Variants in AFF3 observed in about 807,000 individuals in gnomAD.
The protein encoded by AFF3 is AF4/FMR2 family member 3.
A neutral mutation model predicts 129.7 loss-of-function variants in AFF3; 32 were observed. The observed-to-expected ratio is 0.25, with a 90% CI of 0.19 to 0.33. The LOEUF is 0.33. Ranked by LOEUF, AFF3 falls within the 10% of genes least tolerant of loss-of-function variation. AFF3 has a pLI of 1.00. For missense variants in AFF3, 1,373 were observed against 1,592.0 expected, an observed-to-expected ratio of 0.86 and a Z score of 2.34; for synonymous variants, 644 against 635.4, an observed-to-expected ratio of 1.01 and a Z score of -0.20.
chr2:99,672,538 C>T lies in AFF3; in HGVS notation c.1143G>A (p.Gln381=), dbSNP rs531014854. ...ATGATGACATAAAAGAGAATCTTACCTGTTCATTCTCCTCTTCATCACTGC... is the reference window on the plus strand; with the variant it reads ...ATGATGACATAAAAGAGAATCTTACTTGTTCATTCTCCTCTTCATCACTGC... ...KLSSDEEENE[Q]QAAQRTALRA... is the part of the protein sequence containing the mutation. The change falls in exon 12 of 25, where the codon CAG becomes CAA. Residue 381 remains glutamine, a splice_region_variant and synonymous_variant. Transcript: ENST00000672756. The T allele has an allele frequency of 1.9e-6, 3 of 1,613,722 alleles. No individual in the cohort carries two copies. In the South Asian group the frequency reaches 3.3e-5, roughly 18 times the overall value.
intron 7 of AFF3, among the ~76,000 whole-genome samples, chr2:99,899,744 T>C (rs756904667): frequency 2.0e-4 from 30 of 152,310 alleles, no homozygotes; most frequent in Non-Finnish European, 3.5e-4. Context: ...GGTCAAAGTC[T>C]GAGCCACATG....
At chr2:99,576,895 C>CGAGG (rs1677051749) in intron 18 of AFF3, among the ~76,000 whole-genome samples, 3 of 152,188 alleles carry the variant, frequency 2.0e-5, no homozygotes, top group African/African-American at 7.2e-5. Context: ...TGACTGTACT[C>CGAGG]CCACTCCATG....
At position 100,046,558 on chromosome 2, in the gene AFF3, G is replaced by C. The variant is rs184033926; in HGVS notation, c.54-37626C>G. Among the ~76,000 whole-genome samples the C allele has an allele frequency of 9.2e-5, 14 of 152,242 alleles. No individual in the cohort carries two copies. In the East Asian group the frequency reaches 2.5e-3, roughly 27 times the overall value. On this transcript the variant is annotated intron_variant, in intron 4 of 24. Coordinates refer to ENST00000672756, the MANE Select transcript of AFF3 (RefSeq NM_001386135.1). ...CCTCACTTCATCTCCTGGTGCTTCT[G>C]GTTTCCCATTTATAAAATGCAAGGG...
chr2:99,924,836 T>C (rs980965673), intron 7 of AFF3, among the ~76,000 whole-genome samples: 1 of 152,242 alleles, frequency 6.6e-6, no homozygotes, highest in East Asian at 1.9e-4. Context: ...CTTAATCAAC[T>C]TAATTTTCCT....
intron 8 of AFF3, among the ~76,000 whole-genome samples, chr2:99,829,928 C>T (rs1406809447): frequency 6.6e-6 from 1 of 152,190 alleles, no homozygotes; most frequent in Admixed American, 6.5e-5. Flanking sequence ...GGCATATATA[C>T]ACCATGGAAT....
intron 13 of AFF3, among the ~76,000 whole-genome samples, chr2:99,633,272 G>T (rs1683298149): frequency 6.6e-6 from 1 of 152,142 alleles, no homozygotes; most frequent in African/African-American, 2.4e-5. Flanking sequence ...GCTGGGGTTT[G>T]CTGTCCATGG....
At chr2:100,076,147 G>C (rs1407715136) in intron 4 of AFF3, among the ~76,000 whole-genome samples, 1 of 152,158 alleles carries the variant, frequency 6.6e-6, no homozygotes, top group Non-Finnish European at 1.5e-5. Flanking sequence ...CAGAGCAGCT[G>C]GTGTTCATGG....
chr2:100,072,396 G>A (rs1330056566), intron 4 of AFF3, among the ~76,000 whole-genome samples: 1 of 152,190 alleles, frequency 6.6e-6, no homozygotes, highest in Non-Finnish European at 1.5e-5. Context: ...CCTCGTCCAT[G>A]GAACAACTGT....
chr2:100,080,257 G>A (rs1017209946), intron 4 of AFF3, among the ~76,000 whole-genome samples: 6 of 152,130 alleles, frequency 3.9e-5, no homozygotes, highest in Non-Finnish European at 7.4e-5. Flanking sequence ...GCTGCATTAG[G>A]TTATTATGAG....
At chr2:99,620,701 A>G (rs1681913341) in intron 13 of AFF3, among the ~76,000 whole-genome samples, 1 of 152,134 alleles carries the variant, frequency 6.6e-6, no homozygotes, top group Non-Finnish European at 1.5e-5. Context: ...ACATAATCTG[A>G]GCTGCATTGT....
At chr2:99,974,975 T>C (rs1678734883) in intron 7 of AFF3, among the ~76,000 whole-genome samples, 1 of 152,164 alleles carries the variant, frequency 6.6e-6, no homozygotes. Flanking sequence ...GCAGTGGTAG[T>C]TAATAATGGA....
At chr2:100,023,091 C>G (rs13419484) in intron 4 of AFF3, among the ~76,000 whole-genome samples, 3,154 of 152,298 alleles carry the variant, frequency 0.021, 119 homozygotes, top group African/African-American at 0.072. Context: ...AGAGAACACA[C>G]CTCTCAGCTT....
intron 4 of AFF3, among the ~76,000 whole-genome samples, chr2:100,102,365 CA>C (rs1690796870): frequency 6.6e-6 from 1 of 151,706 alleles, no homozygotes; most frequent in Admixed American, 6.6e-5. Context: ...CCGGTCAAGC[CA>C]AACTGTCCTA....
intron 11 of AFF3, among the ~76,000 whole-genome samples, chr2:99,699,380 G>A (rs938798230): frequency 5.3e-5 from 8 of 152,148 alleles, no homozygotes; most frequent in African/African-American, 1.9e-4. Flanking sequence ...GAGGGACCAT[G>A]CGGTTCACCT....
At chr2:99,656,497 T>G (rs1349084870) in intron 12 of AFF3, among the ~76,000 whole-genome samples, 1 of 152,246 alleles carries the variant, frequency 6.6e-6, no homozygotes, top group East Asian at 1.9e-4. Context: ...TGAAGCACAC[T>G]GTAAAATTTA....
intron 9 of AFF3, among the ~76,000 whole-genome samples, chr2:99,750,362 C>T (rs939284644): frequency 4.7e-5 from 7 of 150,400 alleles, no homozygotes; most frequent in African/African-American, 1.7e-4. Context: ...ATAAAAAACC[C>T]AGATGATAAT....
chr2:99,943,770 T>C (rs1458046977), intron 7 of AFF3, among the ~76,000 whole-genome samples: 1 of 152,242 alleles, frequency 6.6e-6, no homozygotes, highest in Non-Finnish European at 1.5e-5. Flanking sequence ...CTCAATGTTC[T>C]TGGTCTCCTC....
At chr2:99,615,623 G>A (rs1386965033) in intron 13 of AFF3, among the ~76,000 whole-genome samples, 6 of 152,238 alleles carry the variant, frequency 3.9e-5, no homozygotes, top group Admixed American at 3.9e-4. Context: ...AGCTGAAAGC[G>A]TGGATGGAGT....
At chr2:99,875,986 C>G in intron 7 of AFF3, among the ~76,000 whole-genome samples, 1 of 152,150 alleles carries the variant, frequency 6.6e-6, no homozygotes, top group East Asian at 1.9e-4. Context: ...GGGCCCCTCC[C>G]TCCTCCTTCA....
Sources: gnomAD v4.1 joint callset for allele counts (sites outside exome capture counted in the v4.1 genomes callset) on GRCh38, gnomAD v4.1.1 for gene constraint, MANE v1.5 for transcripts, NCBI Gene and HGNC (gene_info 2026-07-23, HGNC 2026-07-21) for gene names.